The following HERC1 variants were observed in gnomAD, a reference collection of about 807,000 sequenced individuals.
HERC1 encodes the protein HECT and RLD domain containing E3 ubiquitin protein ligase family member 1.
In HERC1, 160 loss-of-function variants were observed where a neutral mutation model predicts 554.3. That is an observed-to-expected ratio of 0.29 (90% CI 0.25 to 0.33). The LOEUF (loss-of-function observed/expected upper bound fraction) is 0.33. Among genes scored for constraint, HERC1 ranks in the 10% least tolerant of loss-of-function variants. The pLI, the probability that HERC1 is intolerant of heterozygous loss-of-function variation, is 1.00. For synonymous variants in HERC1, 2,175 were observed against 2,131.7 expected (o/e 1.02, Z -0.56); for missense variants, 4,919 against 5,918.5 (o/e 0.83, Z 5.54).
chr15:63,793,390 G>A (rs1783268283), intron 1 of HERC1, among the ~76,000 whole-genome samples: 1 of 152,200 alleles, frequency 6.6e-6, no homozygotes, highest in Non-Finnish European at 1.5e-5. Flanking sequence ...TAATTATAAT[G>A]CATTAGTATG....
At chr15:63,630,847 C>G in intron 68 of HERC1, 2 of 474,134 alleles carry the variant, frequency 4.2e-6, no homozygotes, top group Non-Finnish European at 7.3e-6. Flanking sequence ...ATCACAGGCT[C>G]TTTATTCATA....
chr15:63,786,917 A>ATTTTTT (rs1378851561), intron 1 of HERC1, among the ~76,000 whole-genome samples: 6 of 126,976 alleles, frequency 4.7e-5, no homozygotes, highest in Admixed American at 7.9e-5. Flanking sequence ...TCAATAAATT[A>ATTTTTT]TTATTTTTTT....
Position 63,689,558 on chromosome 15 carries a change from TAAGA to T in HERC1, c.6048+27_6048+30del. The T allele has an allele frequency of 3.2e-6, 4 of 1,247,344 alleles. No individual in the cohort carries two copies. The East Asian group carries it at 1.0e-4, about 32-fold the overall frequency. 77.3% of individuals were successfully genotyped at this position (1,247,344 alleles called of 1,614,324 possible). A position where few individuals can be genotyped will look rare whatever the true frequency, so the allele number is the denominator to read the frequency against. On this transcript the variant is annotated intron_variant, in intron 33 of 77. Coordinates refer to ENST00000443617, the MANE Select transcript of HERC1 (RefSeq NM_003922.4). Reference sequence around the variant, plus strand: ...GTGACAGAATATTCACTTATGCTGTTAAGAAATACCTTTTAGGAAAAACCAATTA... The same window carrying T: ...GTGACAGAATATTCACTTATGCTGTTAATACCTTTTAGGAAAAACCAATTA...
chr15:63,744,164 G>GTGTGTGTGTGTGTGTGTGTGTC lies in HERC1; in HGVS notation c.2520+2753_2520+2754insGACACACACACACACACACACA. On this transcript the variant is annotated intron_variant, in intron 12 of 77. Transcript: ENST00000443617. ...TGTGTGTGTGTGTGTGTGTGTGTGTGTCTCTCTCTCTCTCTCTCTCTCTCT... is the reference window on the plus strand; with the variant it reads ...TGTGTGTGTGTGTGTGTGTGTGTGTGTGTGTGTGTGTGTGTGTGTGTCTCTCTCTCTCTCTCTCTCTCTCTCT... 1.6e-3 allele frequency among the ~76,000 whole-genome samples: 73 copies of GTGTGTGTGTGTGTGTGTGTGTC among 46,252 alleles called. 2 individuals carry two copies. The highest frequency in any genetic ancestry group is 4.0e-3 in the East Asian group (8 of 2,022). The allele number at this position is 46,252 out of a possible 152,430, so 30.3% of individuals were successfully genotyped here. A position where few individuals can be genotyped will look rare whatever the true frequency, so the allele number is the denominator to read the frequency against.
In HERC1 at chr15:63,675,608, A is replaced by G. The variant is rs531506288; in HGVS notation, c.7071-491T>C. ...TAATAAATCTAGTTTATAAATGGTT[A>G]CTTATAACTTATTTCAGTGAGGACT... On this transcript the variant is annotated intron_variant, in intron 37 of 77. Transcript: ENST00000443617. 2.6e-5 allele frequency among the ~76,000 whole-genome samples: 4 copies of G among 152,352 alleles called. 1 individual carries two copies. The South Asian group carries it at 8.3e-4, about 32-fold the overall frequency.
Position 63,649,917 on chromosome 15 carries a change from C to T in HERC1, c.10555G>A (p.Gly3519Arg). The T allele has an allele frequency of 6.2e-7, 1 of 1,601,086 alleles. No individual in the cohort carries two copies. The highest frequency in any genetic ancestry group is 8.5e-7 in the Non-Finnish European group (1 of 1,173,294). The change falls in exon 54 of 78, where the codon GGA becomes AGA. Residue 3519 changes from glycine to arginine, a missense_variant. Gly to Arg is a moderately radical substitution (Grantham distance 125, BLOSUM62 -2). This residue lies in a region of HERC1 where 1,963 missense variants were observed against 2,228.6 expected (regional missense o/e 0.88). Transcript: ENST00000443617. ...VNIWQVNGGKGLVDIQPHWVS... is the reference protein window; with the variant it reads ...VNIWQVNGGKRLVDIQPHWVS... The stretch of plus-strand genomic sequence containing the variant: ...CAATGAGGCTGAATATCTACTAATC[C>T]TTTTCCTCCTAAAAGGGAAAAAATG...
At chr15:63,789,800 C>CT (rs2076579041) in intron 1 of HERC1, among the ~76,000 whole-genome samples, 11 of 26,208 alleles carry the variant, frequency 4.2e-4, no homozygotes, top group South Asian at 7.5e-4. Context: ...AGCCCTGTCT[C>CT]AAAATAAATA....
chr15:63,663,231 T>G lies in HERC1; in HGVS notation c.8681-27A>C, dbSNP rs754230650. The stretch of plus-strand genomic sequence containing the variant: ...TCAGAACAAAACAAAAAAGGCATTT[T>G]ATTTGCATGCATAAAATAATTCTGA... On this transcript the variant is annotated intron_variant, in intron 43 of 77. Coordinates refer to ENST00000443617, the MANE Select transcript of HERC1 (RefSeq NM_003922.4). 8 of 1,576,326 alleles carry G rather than the reference T, an allele frequency of 5.1e-6. No homozygotes were observed. The East Asian group carries it at 1.8e-4, about 35-fold the overall frequency.
At chr15:63,811,927 T>C (rs747654019) in intron 1 of HERC1, among the ~76,000 whole-genome samples, 1 of 152,212 alleles carries the variant, frequency 6.6e-6, no homozygotes, top group African/African-American at 2.4e-5. Flanking sequence ...TTCTTCCTGA[T>C]GGAGCATATG....
At chr15:63,739,093 T>C (rs529107255) in intron 12 of HERC1, among the ~76,000 whole-genome samples, 1 of 151,258 alleles carries the variant, frequency 6.6e-6, no homozygotes, top group Non-Finnish European at 1.5e-5. Context: ...ATCACCACTA[T>C]CCAATTTAGA....
chr15:63,747,202 G>C (rs541162288), intron 11 of HERC1, 119 bp from the exon 12 acceptor site: 1 of 802,382 alleles, frequency 1.2e-6, no homozygotes, highest in African/African-American at 1.7e-5. Context: ...GCTCATGCCT[G>C]TAATCCCAGC....
chr15:63,613,461 A>G (rs1349122367), intron 76 of HERC1, among the ~76,000 whole-genome samples: 1 of 152,168 alleles, frequency 6.6e-6, no homozygotes, highest in Non-Finnish European at 1.5e-5. Context: ...TTTCATAAAT[A>G]CTTCTTTGCT....
chr15:63,697,524 G>A (rs1204895423), intron 26 of HERC1, among the ~76,000 whole-genome samples: 7 of 146,998 alleles, frequency 4.8e-5, no homozygotes, highest in African/African-American at 1.8e-4. Context: ...GCGCGATCTC[G>A]GCTCACTGCA....
intron 71 of HERC1, among the ~76,000 whole-genome samples, 158 bp from the exon 72 acceptor site, chr15:63,624,485 C>T (rs749355228): frequency 2.0e-4 from 30 of 152,138 alleles, no homozygotes; most frequent in Admixed American, 3.3e-4. Flanking sequence ...TCGCTTGAGC[C>T]CAGGAGTTCA....
chr15:63,634,741 T>G lies in HERC1; in HGVS notation c.12562A>C (p.Ile4188Leu). The G allele has an allele frequency of 6.2e-7, 1 of 1,612,476 alleles. No homozygotes were observed. The highest frequency in any genetic ancestry group is 8.5e-7 in the Non-Finnish European group (1 of 1,179,132). Residue 4188 changes from isoleucine (I) to leucine (L), a missense_variant, in exon 66 of 78, where the codon ATT becomes CTT. Ile to Leu is a conservative substitution (Grantham distance 5). This residue lies in a region of HERC1 where 410 missense variants were observed against 467.0 expected (regional missense o/e 0.88). Coordinates refer to ENST00000443617, the MANE Select transcript of HERC1 (RefSeq NM_003922.4). ...ATTGATTTATTCCATGCCTGTCCAATCTGATATCCCTCCAGTGCAGTCACT... is the reference window on the plus strand; with the variant it reads ...ATTGATTTATTCCATGCCTGTCCAAGCTGATATCCCTCCAGTGCAGTCACT... ...ERVTALEGYQIGQVACGLNHT... is the reference protein window; with the variant it reads ...ERVTALEGYQLGQVACGLNHT...
At position 63,713,564 on chromosome 15, in the gene HERC1, G is replaced by A. The variant is rs1346706247; in HGVS notation, c.4252C>T (p.Pro1418Ser). The part of the protein sequence containing the change: ...AGSGARADDP[P>S]PQSQQERRVS... ...CTTCGCTCTTGCTGAGACTGAGGAG[G>A]TGGATCATCAGCTCGAGCCCCAGAC... The change falls in exon 23 of 78, where the codon CCT becomes TCT. Residue 1418 changes from proline (P) to serine (S), a missense_variant. Physicochemically the swap from Pro to Ser is moderately conservative, Grantham distance 74. This residue lies in a region of HERC1 where 1,121 missense variants were observed against 1,244.0 expected (regional missense o/e 0.90). Coordinates refer to ENST00000443617, the MANE Select transcript of HERC1 (RefSeq NM_003922.4). The A allele has an allele frequency of 6.2e-7, 1 of 1,613,920 alleles. No individual in the cohort carries two copies. The highest frequency in any genetic ancestry group is 8.5e-7 in the Non-Finnish European group (1 of 1,179,874).
chr15:63,806,245 T>TA (rs1236537647), intron 1 of HERC1, among the ~76,000 whole-genome samples: 1 of 150,876 alleles, frequency 6.6e-6, no homozygotes, highest in East Asian at 2.0e-4. Flanking sequence ...GGTGCAGTCA[T>TA]AGCTCAGTGC....
chr15:63,824,281 C>A (rs923506694), intron 1 of HERC1, among the ~76,000 whole-genome samples: 12 of 152,254 alleles, frequency 7.9e-5, no homozygotes, highest in African/African-American at 2.9e-4. Flanking sequence ...CGCCTATAAT[C>A]CCAGCACTTT....
chr15:63,660,939 C>A, intron 46 of HERC1, 34 bp downstream of exon 46: 1 of 1,308,866 alleles, frequency 7.6e-7, no homozygotes, highest in Non-Finnish European at 1.1e-6. Context: ...TATAAAAAAA[C>A]ATGTAAAATA....
Sources: allele counts gnomAD v4.1 joint callset (sites outside exome capture counted in the v4.1 genomes callset), GRCh38; gene constraint gnomAD v4.1.1; regional missense constraint gnomAD v4.1.1; transcripts MANE v1.5; gene names NCBI Gene and HGNC (gene_info 2026-07-23, HGNC 2026-07-21).